SLC4A4: variants seen among roughly 807,000 people sequenced by gnomAD.
The protein encoded by SLC4A4 is electrogenic sodium bicarbonate cotransporter 1.
Under a neutral mutation model 111.5 loss-of-function variants are expected in SLC4A4, and 27 were observed. The observed-to-expected ratio is 0.24, with a 90% CI of 0.18 to 0.33. The LOEUF (loss-of-function observed/expected upper bound fraction) is 0.33, where lower values mean the gene tolerates loss of function less well. Among genes scored for constraint, SLC4A4 ranks in the 10% least tolerant of loss-of-function variants. The pLI is 1.00. For missense variants in SLC4A4, 909 were observed against 1,315.5 expected, an observed-to-expected ratio of 0.69 and a Z score of 4.78; for synonymous variants, 443 against 463.4, an observed-to-expected ratio of 0.96 and a Z score of 0.57.
chr4:71,466,424 C>G lies in SLC4A4; in HGVS notation c.1498-20C>G. On this transcript the variant is annotated intron_variant, in intron 12 of 25. Coordinates refer to ENST00000264485, the MANE Select transcript of SLC4A4 (RefSeq NM_001098484.3). ...AAAAAAGATGTGTTTCATTTAACAT[C>G]TATATTTTCTTTATTTTAGGGCGTG... The G allele has an allele frequency of 6.2e-6, 10 of 1,613,104 alleles. No individual in the cohort carries two copies. The highest frequency in any genetic ancestry group is 8.5e-6 in the Non-Finnish European group (10 of 1,179,348).
intron 18 of SLC4A4, among the ~76,000 whole-genome samples, chr4:71,542,379 C>T (rs922789081): frequency 2.6e-5 from 4 of 152,064 alleles, no homozygotes; most frequent in Admixed American, 6.6e-5. Flanking sequence ...CGTTTATAGT[C>T]CCAACAGAGC....
At chr4:71,213,737 G>A (rs1445846175) in intron 1 of SLC4A4, among the ~76,000 whole-genome samples, 7 of 152,146 alleles carry the variant, frequency 4.6e-5, no homozygotes, top group East Asian at 1.9e-4. Context: ...TGAGGGTGGA[G>A]CCCTCATCAA....
chr4:71,102,097 C>T (rs977314506), intron 2 of SLC4A4, among the ~76,000 whole-genome samples: 1 of 151,956 alleles, frequency 6.6e-6, no homozygotes, highest in Admixed American at 6.6e-5. Flanking sequence ...GAGCTGAAAA[C>T]CAAGGCTCAA....
intron 25 of SLC4A4, 22 bp downstream of exon 25, chr4:71,567,105 T>C: frequency 6.3e-7 from 1 of 1,580,750 alleles, no homozygotes; most frequent in South Asian, 1.1e-5. Flanking sequence ...CCCAGTATTT[T>C]ATGTTTTTCT....
chr4:71,232,260 C>T (rs1440079178), intron 1 of SLC4A4, among the ~76,000 whole-genome samples: 1 of 152,146 alleles, frequency 6.6e-6, no homozygotes, highest in Admixed American at 6.5e-5. Flanking sequence ...AGGAATGCAC[C>T]AATCATTATT....
Position 71,362,735 on chromosome 4 carries a change from A to G in SLC4A4, c.730+5548A>G, listed in dbSNP as rs74793680. ...TTTTATCTTTTGCTAAATGGGTGTC[A>G]GGGGGGGTCCTAAATCACACTGGAA... On this transcript the variant is annotated intron_variant, in intron 6 of 25. Coordinates refer to ENST00000264485, the MANE Select transcript of SLC4A4 (RefSeq NM_001098484.3). Among the ~76,000 whole-genome samples, 1,684 of 148,624 alleles carry G rather than the reference A, an allele frequency of 0.011. 71 individuals are homozygous for G. The East Asian group carries it at 0.12, about 11-fold the overall frequency.
At chr4:71,370,484 G>T (rs2148932226) in intron 6 of SLC4A4, among the ~76,000 whole-genome samples, 1 of 152,300 alleles carries the variant, frequency 6.6e-6, no homozygotes, top group Non-Finnish European at 1.5e-5. Flanking sequence ...GGGCCTTGGA[G>T]TATAAAGTCA....
intron 5 of SLC4A4, 85 bp from the exon 6 acceptor site, chr4:71,356,923 G>A (rs111822201): frequency 1.6e-6 from 2 of 1,216,422 alleles, no homozygotes; most frequent in Non-Finnish European, 1.2e-6. Flanking sequence ...TTAAATTTGA[G>A]GGTGACATCC....
intron 1 of SLC4A4, among the ~76,000 whole-genome samples, chr4:71,206,879 A>T (rs111381711): frequency 2.0e-5 from 3 of 151,924 alleles, no homozygotes; most frequent in Non-Finnish European, 4.4e-5. Context: ...CATTTCCTCT[A>T]CTATAATCAT....
intron 14 of SLC4A4, among the ~76,000 whole-genome samples, chr4:71,484,456 T>G (rs769466875): frequency 1.3e-5 from 2 of 151,826 alleles, no homozygotes; most frequent in Non-Finnish European, 2.9e-5. Context: ...TTTGTCAGGT[T>G]TGTTGAAGAT....
chr4:71,565,258 A>C (rs1384235071), intron 24 of SLC4A4, among the ~76,000 whole-genome samples: 1 of 151,838 alleles, frequency 6.6e-6, no homozygotes, highest in Non-Finnish European at 1.5e-5. Flanking sequence ...AATTGGCCTT[A>C]TGTTCCCTGC....
At chr4:71,560,294 G>T (rs761779654) in intron 23 of SLC4A4, 40 bp downstream of exon 23, 3 of 1,564,596 alleles carry the variant, frequency 1.9e-6, no homozygotes, top group Non-Finnish European at 8.7e-7. Flanking sequence ...GCTAGTTAAA[G>T]AAACAAATGT....
chr4:71,207,541 A>G (rs1204844395), intron 1 of SLC4A4, among the ~76,000 whole-genome samples: 3 of 152,214 alleles, frequency 2.0e-5, no homozygotes, highest in Non-Finnish European at 4.4e-5. Flanking sequence ...AAAAAACTAA[A>G]TGAAGTCACT....
intron 16 of SLC4A4, among the ~76,000 whole-genome samples, chr4:71,519,343 G>A (rs980771428): frequency 2.0e-5 from 3 of 152,136 alleles, no homozygotes; most frequent in African/African-American, 7.2e-5. Flanking sequence ...GCCTAAGCAG[G>A]TAATTTCTCA....
chr4:71,244,739 C>T (rs1382480031), intron 2 of SLC4A4, among the ~76,000 whole-genome samples: 1 of 149,274 alleles, frequency 6.7e-6, no homozygotes, highest in Non-Finnish European at 1.5e-5. Flanking sequence ...TACGTTAACT[C>T]TTCTTACTAA....
At chr4:71,104,901 T>C (rs1356936594) in intron 2 of SLC4A4, among the ~76,000 whole-genome samples, 2 of 36,788 alleles carry the variant, frequency 5.4e-5, no homozygotes, top group Admixed American at 3.2e-4. Context: ...CTATTCAACA[T>C]AGTGTTGGAA....
chr4:71,223,326 C>A (rs1718860067), intron 1 of SLC4A4, among the ~76,000 whole-genome samples: 1 of 151,988 alleles, frequency 6.6e-6, no homozygotes, highest in South Asian at 2.1e-4. Flanking sequence ...CAGGCACCCA[C>A]CCCCGCGCCT....
Position 71,357,247 on chromosome 4 carries a change from G to A in SLC4A4, c.730+60G>A, listed in dbSNP as rs367961211. ...TACTTATTTCACTCACCTTTACACC[G>A]TCTCCTGTCATCTTTGTTTTAACCC... is the stretch of plus-strand genomic sequence containing the variant. On this transcript the variant is annotated intron_variant, in intron 6 of 25. Transcript: ENST00000264485. 126 of 1,508,756 alleles carry A rather than the reference G, an allele frequency of 8.4e-5. No individual in the cohort carries two copies. In the African/African-American group the frequency reaches 1.2e-3, roughly 14 times the overall value. 93.5% of individuals were successfully genotyped at this position (1,508,756 alleles called of 1,614,324 possible).
chr4:71,417,517 G>A (rs1247876886), intron 7 of SLC4A4, among the ~76,000 whole-genome samples: 2 of 152,152 alleles, frequency 1.3e-5, no homozygotes, highest in African/African-American at 4.8e-5. Flanking sequence ...AACAGTGAAA[G>A]AGGAAAATAA....
Sources: gnomAD v4.1 joint callset for allele counts (sites outside exome capture counted in the v4.1 genomes callset) on GRCh38, gnomAD v4.1.1 for gene constraint, MANE v1.5 for transcripts, NCBI Gene and HGNC (gene_info 2026-07-23, HGNC 2026-07-21) for gene names.